The following SMARCA2 variants were observed in gnomAD, a reference collection of about 807,000 sequenced individuals.
SMARCA2 encodes the protein SWI/SNF-related matrix-associated actin-dependent regulator of chromatin subfamily A member 2.
SMARCA2 carries 61 observed loss-of-function variants against 199.8 expected under a neutral mutation model. The ratio of observed to expected loss-of-function variants is 0.31; its 90% CI spans 0.25 to 0.38. The LOEUF (loss-of-function observed/expected upper bound fraction) is 0.38, where lower values mean the gene tolerates loss of function less well. Ranked by LOEUF, SMARCA2 falls within the 10% of genes least tolerant of loss-of-function variation. The pLI is 1.00. For synonymous variants in SMARCA2, 935 were observed against 732.0 expected (o/e 1.28, Z -4.48); for missense variants, 1,344 against 2,012.2 (o/e 0.67, Z 6.35).
intron 2 of SMARCA2, 109 bp from the exon 3 acceptor site, chr9:2,032,843 T>C (rs951494674): frequency 2.2e-6 from 2 of 928,648 alleles, no homozygotes; most frequent in African/African-American, 3.3e-5. Context: ...GAATGGGTAG[T>C]AGATGATAGT....
At chr9:2,077,108 A>G (rs1164192815) in intron 13 of SMARCA2, among the ~76,000 whole-genome samples, 2 of 152,108 alleles carry the variant, frequency 1.3e-5, no homozygotes, top group East Asian at 3.9e-4. Context: ...TGCCTGTAGA[A>G]TAGCAGAGTA....
At chr9:2,080,504 A>T (rs1290504882) in intron 14 of SMARCA2, among the ~76,000 whole-genome samples, 2 of 152,164 alleles carry the variant, frequency 1.3e-5, no homozygotes, top group African/African-American at 4.8e-5. Context: ...TATTTAGTTG[A>T]CTTTTCTAAA....
chr9:2,183,921 C>T (rs998447334), intron 31 of SMARCA2, among the ~76,000 whole-genome samples: 16 of 152,114 alleles, frequency 1.1e-4, no homozygotes, highest in African/African-American at 3.9e-4. Flanking sequence ...CTTTTTTCTA[C>T]AACCTTCCTA....
chr9:2,188,021 G>GT (rs933325492), intron 32 of SMARCA2, among the ~76,000 whole-genome samples: 13 of 152,016 alleles, frequency 8.6e-5, no homozygotes, highest in South Asian at 4.1e-4. Flanking sequence ...AGAATTACAC[G>GT]TTTTTTTACC....
intron 29 of SMARCA2, among the ~76,000 whole-genome samples, chr9:2,179,190 A>AGAGAC (rs1386581094): frequency 1.3e-5 from 2 of 152,166 alleles, no homozygotes; most frequent in Non-Finnish European, 2.9e-5. Flanking sequence ...GGTACACAGT[A>AGAGAC]GAGACTCTCC....
At chr9:2,172,675 C>T (rs1404625601) in intron 29 of SMARCA2, among the ~76,000 whole-genome samples, 3 of 152,064 alleles carry the variant, frequency 2.0e-5, no homozygotes, top group Non-Finnish European at 4.4e-5. Flanking sequence ...GTCTTGAGGG[C>T]AACCTGTAGT....
intron 19 of SMARCA2, among the ~76,000 whole-genome samples, chr9:2,091,322 C>T (rs114238780): frequency 3.9e-5 from 6 of 152,284 alleles, no homozygotes; most frequent in African/African-American, 1.4e-4. Context: ...CCATCCCTGT[C>T]TATAGCTTTA....
chr9:2,128,085 C>T (rs1410865363), intron 27 of SMARCA2, among the ~76,000 whole-genome samples: 1 of 152,140 alleles, frequency 6.6e-6, no homozygotes, highest in Non-Finnish European at 1.5e-5. Flanking sequence ...GTCAGTTCAA[C>T]ATTCACATTC....
In SMARCA2 at chr9:2,039,786, CA is replaced by C. The variant is rs765203753; in HGVS notation, c.677del (p.Gln226ArgfsTer44). On this transcript the variant is annotated frameshift_variant, in exon 4 of 34. Transcript: ENST00000349721. LOFTEE classifies it high-confidence loss of function. This position sits in a 1 kb window ranked among gnomAD's most constrained non-coding sequence, Gnocchi z 4.8. ...ACAACAGCAGCAGCAACAGCAGCAG[CA>C]GCAGCAGCAGCAGCAGCAGCAGCAG... Reference protein sequence around the residue: ...QQQQQQQQQQQQQQQQQQQQQ... With the variant: ...QQQQQQQQQQXQQQQQQQQQQ... 1.7e-4 allele frequency: 272 copies of C among 1,570,378 alleles called. No homozygotes were observed. The highest frequency in any genetic ancestry group is 3.9e-4 in the African/African-American group (28 of 72,686).
intron 27 of SMARCA2, among the ~76,000 whole-genome samples, chr9:2,149,374 G>T (rs938658397): frequency 6.6e-6 from 1 of 151,072 alleles, no homozygotes; most frequent in Admixed American, 6.6e-5. Context: ...AAAAAAATTA[G>T]CCAGGCATGA....
At chr9:2,158,977 T>G in intron 27 of SMARCA2, 1 of 1,612,204 alleles carries the variant, frequency 6.2e-7, no homozygotes, top group Non-Finnish European at 8.5e-7. Flanking sequence ...AGGGGAATAA[T>G]GGTCAGTACT....
intron 15 of SMARCA2, among the ~76,000 whole-genome samples, chr9:2,083,031 A>T (rs963710988): frequency 6.6e-6 from 1 of 152,064 alleles, no homozygotes; most frequent in Non-Finnish European, 1.5e-5. Flanking sequence ...GTTTATGAAG[A>T]TTCCTAAAAT....
intron 2 of SMARCA2, among the ~76,000 whole-genome samples, chr9:2,031,684 C>T (rs749891208): frequency 2.0e-5 from 3 of 152,196 alleles, no homozygotes; most frequent in Admixed American, 6.5e-5. Context: ...TTGCTTTGCT[C>T]GCATTCTGTG....
rs1314216494 is a variant in SMARCA2 at position 2,193,264 on chromosome 9, C to G, written c.*525C>G. On this transcript the variant is annotated 3_prime_UTR_variant, in exon 34 of 34. Coordinates refer to ENST00000349721, the MANE Select transcript of SMARCA2 (RefSeq NM_003070.5). Reference sequence around the variant, plus strand: ...ATGTACAGTAGTTAGATTTCACCTGCATATACATTTTTCCATTTTATGCTC... The same window carrying G: ...ATGTACAGTAGTTAGATTTCACCTGGATATACATTTTTCCATTTTATGCTC... 6.5e-6 allele frequency: 1 copy of G among 152,790 alleles called. No homozygotes were observed. Among genetic ancestry groups the G allele is most frequent in the African/African-American group, 2.4e-5 (1 of 41,438 alleles). The allele number at this position is 152,790 out of a possible 1,614,324, so 9.5% of individuals were successfully genotyped here. A position where few individuals can be genotyped will look rare whatever the true frequency, so the allele number is the denominator to read the frequency against.
At chr9:2,145,065 C>G (rs953574700) in intron 27 of SMARCA2, among the ~76,000 whole-genome samples, 1 of 152,060 alleles carries the variant, frequency 6.6e-6, no homozygotes, top group South Asian at 2.1e-4. Flanking sequence ...TTTGGGAGGC[C>G]TAGGCGGACG....
At chr9:2,175,848 TGATATCC>T (rs1826544788) in intron 29 of SMARCA2, among the ~76,000 whole-genome samples, 1 of 152,108 alleles carries the variant, frequency 6.6e-6, no homozygotes, top group South Asian at 2.1e-4. Context: ...CACTACAATT[TGATATCC>T]TCTGTTTTTT....
intron 27 of SMARCA2, among the ~76,000 whole-genome samples, chr9:2,152,547 C>T (rs895081696): frequency 1.2e-4 from 16 of 131,340 alleles, no homozygotes; most frequent in African/African-American, 4.1e-4. Context: ...AGCGAGACTC[C>T]ATCTCAAAAA....
chr9:2,070,170 A>G (rs1821028886), intron 9 of SMARCA2, among the ~76,000 whole-genome samples: 1 of 152,224 alleles, frequency 6.6e-6, no homozygotes, highest in Non-Finnish European at 1.5e-5. Flanking sequence ...CCCTGAAGAC[A>G]CAATCTACAA....
At chr9:2,084,675 G>A (rs371992564) in intron 17 of SMARCA2, among the ~76,000 whole-genome samples, 3 of 152,054 alleles carry the variant, frequency 2.0e-5, no homozygotes, top group African/African-American at 7.2e-5. Flanking sequence ...TATCCAAGCC[G>A]TGGCTTTTGT....
Sources: allele counts gnomAD v4.1 joint callset (sites outside exome capture counted in the v4.1 genomes callset), GRCh38; gene constraint gnomAD v4.1.1; non-coding constraint Gnocchi (gnomAD v3.1); transcripts MANE v1.5; gene names NCBI Gene and HGNC (gene_info 2026-07-23, HGNC 2026-07-21).